COMMD10: variants seen among roughly 807,000 people sequenced by gnomAD.
The protein encoded by COMMD10 is COMM domain containing 10, also known as COMM domain-containing protein 10.
Under a neutral mutation model 28.9 loss-of-function variants are expected in COMMD10, and 33 were observed. That is an observed-to-expected ratio of 1.14 (90% CI 0.87 to 1.53). The LOEUF is 1.53. COMMD10 is among the 40% of genes most tolerant of loss of function. COMMD10 has a pLI of 0.00. For synonymous variants in COMMD10, 110 were observed against 81.7 expected (o/e 1.35, Z -1.87); for missense variants, 310 against 233.4 (o/e 1.33, Z -2.14).
chr5:116,121,714 G>C (rs1490632177), intron 4 of COMMD10, among the ~76,000 whole-genome samples: 2 of 152,168 alleles, frequency 1.3e-5, no homozygotes, highest in Non-Finnish European at 2.9e-5. Context: ...GTTTTGATTT[G>C]CATTCTCTGA....
intron 3 of COMMD10, 26 bp from the exon 4 acceptor site, chr5:116,092,519 T>C (rs1461913861): frequency 5.3e-6 from 8 of 1,518,644 alleles, no homozygotes; most frequent in South Asian, 2.6e-5. Context: ...GAGGGACATA[T>C]GTAATTTTTT....
intron 4 of COMMD10, among the ~76,000 whole-genome samples, chr5:116,116,607 T>G (rs945651549): frequency 6.6e-6 from 1 of 152,266 alleles, no homozygotes; most frequent in Non-Finnish European, 1.5e-5. Flanking sequence ...GTTTTCTGTA[T>G]GCTTAAATTC....
At chr5:116,086,122 T>A (rs755496167) in intron 1 of COMMD10, among the ~76,000 whole-genome samples, 14 of 152,200 alleles carry the variant, frequency 9.2e-5, no homozygotes, top group Non-Finnish European at 1.6e-4. Context: ...CTTGGTGTAC[T>A]CCCTATGTAA....
intron 5 of COMMD10, among the ~76,000 whole-genome samples, chr5:116,202,959 C>T (rs1748709188): frequency 6.6e-6 from 1 of 151,920 alleles, no homozygotes; most frequent in South Asian, 2.1e-4. Flanking sequence ...GAAGGCCTTG[C>T]CCATGCCTAT....
chr5:116,162,433 T>TTTTG (rs1752948050), intron 5 of COMMD10, among the ~76,000 whole-genome samples: 1 of 152,324 alleles, frequency 6.6e-6, no homozygotes, highest in Admixed American at 6.5e-5. Flanking sequence ...AGTGTGGGTA[T>TTTTG]TTTGTTTCCA....
At chr5:116,230,750 C>G (rs1235975628) in intron 5 of COMMD10, among the ~76,000 whole-genome samples, 1 of 152,090 alleles carries the variant, frequency 6.6e-6, no homozygotes, top group Non-Finnish European at 1.5e-5. Context: ...ATATCAAAAG[C>G]TGTGATATCC....
chr5:116,275,839 CAT>C (rs1000388359), intron 5 of COMMD10, among the ~76,000 whole-genome samples: 1 of 151,376 alleles, frequency 6.6e-6, no homozygotes, highest in African/African-American at 2.4e-5. Flanking sequence ...TTTGCTTCAC[CAT>C]ATGTTAATGA....
At position 116,256,239 on chromosome 5, in the gene COMMD10, C is replaced by T. The variant is rs982982201; in HGVS notation, c.511-35278C>T. Among the ~76,000 whole-genome samples, 3 of 151,844 alleles carry T rather than the reference C, an allele frequency of 2.0e-5. No individual in the cohort carries two copies. The East Asian group carries it at 5.8e-4, about 29-fold the overall frequency. On this transcript the variant is annotated intron_variant, in intron 5 of 6. Coordinates refer to ENST00000274458, the MANE Select transcript of COMMD10 (RefSeq NM_016144.4). ...TTTTGTCCAAAATGATTTTGAATCA[C>T]CGTTCGGACAGATCTTGAAGACTAG...
chr5:116,236,709 G>C (rs1749674846), intron 5 of COMMD10, among the ~76,000 whole-genome samples: 1 of 151,950 alleles, frequency 6.6e-6, no homozygotes, highest in Admixed American at 6.6e-5. Flanking sequence ...ATGGAACACA[G>C]ATGATTTTTA....
chr5:116,281,479 C>T (rs886166729), intron 5 of COMMD10, among the ~76,000 whole-genome samples: 7 of 151,628 alleles, frequency 4.6e-5, no homozygotes, highest in South Asian at 2.1e-4. Flanking sequence ...TTTTCACTTT[C>T]GTTTCACTTT....
Position 116,293,050 on chromosome 5 carries a change from G to A in COMMD10, c.*561G>A, listed in dbSNP as rs1751413978. 1 of 397,124 alleles carries A rather than the reference G, an allele frequency of 2.5e-6. No homozygotes were observed. The highest frequency in any genetic ancestry group is 2.1e-5 in the African/African-American group (1 of 48,550). 24.6% of individuals were successfully genotyped at this position (397,124 alleles called of 1,614,324 possible). A position where few individuals can be genotyped will look rare whatever the true frequency, so the allele number is the denominator to read the frequency against. ...AGTTAATTCCAGTCTGAGCTTCTCT[G>A]TCAACTTCAGTTTCTCTCTCAGTTT... On this transcript the variant is annotated 3_prime_UTR_variant, in exon 7 of 7. Coordinates refer to ENST00000274458, the MANE Select transcript of COMMD10 (RefSeq NM_016144.4).
chr5:116,184,460 A>G (rs1359110664), intron 5 of COMMD10, among the ~76,000 whole-genome samples: 1 of 151,420 alleles, frequency 6.6e-6, no homozygotes, highest in Non-Finnish European at 1.5e-5. Flanking sequence ...TTACTTCTTT[A>G]TAGACATATT....
chr5:116,096,327 TTTTC>T (rs1750466661), intron 4 of COMMD10, among the ~76,000 whole-genome samples: 2 of 151,826 alleles, frequency 1.3e-5, no homozygotes, highest in Admixed American at 6.6e-5. Flanking sequence ...CTTAAGTACT[TTTTC>T]TTTCTTTTTT....
chr5:116,145,005 A>G (rs1004166657), intron 5 of COMMD10, among the ~76,000 whole-genome samples: 1 of 151,880 alleles, frequency 6.6e-6, no homozygotes, highest in Non-Finnish European at 1.5e-5. Flanking sequence ...GTAGGATTCA[A>G]TCAGAGTGGG....
intron 5 of COMMD10, among the ~76,000 whole-genome samples, chr5:116,156,700 C>T (rs28707263): frequency 3.5e-4 from 54 of 152,186 alleles, no homozygotes; most frequent in African/African-American, 1.2e-3. Flanking sequence ...AATTCCATAA[C>T]CCCCTCAAGT....
intron 4 of COMMD10, among the ~76,000 whole-genome samples, chr5:116,109,312 A>G (rs11952043): frequency 0.51 from 78,226 of 152,134 alleles, 22,386 homozygotes; most frequent in Non-Finnish European, 0.66. Context: ...GCTGAGCACT[A>G]TGGGCTCATG....
chr5:116,086,668 T>C (rs180944307), intron 1 of COMMD10, among the ~76,000 whole-genome samples: 1 of 152,264 alleles, frequency 6.6e-6, no homozygotes, highest in East Asian at 1.9e-4. Context: ...CCATGTTGGC[T>C]AGGCTGGTCT....
intron 5 of COMMD10, among the ~76,000 whole-genome samples, chr5:116,172,874 C>T (rs774406570): frequency 3.9e-5 from 6 of 151,998 alleles, no homozygotes; most frequent in Non-Finnish European, 7.4e-5. Context: ...AGTGTTCTTG[C>T]AAAAATTTGA....
chr5:116,085,126 CGCCCAGGAA>C, intron 1 of COMMD10, 33 bp downstream of exon 1: 1 of 1,599,904 alleles, frequency 6.3e-7, no homozygotes, highest in East Asian at 2.3e-5. Flanking sequence ...GCGGTAGCCG[CGCCCAGGAA>C]GGCCCAGATC....
Sources: gnomAD v4.1 joint callset for allele counts (sites outside exome capture counted in the v4.1 genomes callset) on GRCh38, gnomAD v4.1.1 for gene constraint, MANE v1.5 for transcripts, NCBI Gene and HGNC (gene_info 2026-07-23, HGNC 2026-07-21) for gene names.